Variants in IGBP1C observed in about 807,000 individuals in gnomAD.
IGBP1C encodes the protein immunoglobulin-binding protein 1 family member C.
chr17:58,666,468 A>C, the IGBP1C span: 2 of 137,022 alleles, frequency 1.5e-5, no homozygotes, highest in South Asian at 2.1e-4. Context: ...CAAAAAAAAA[A>C]AAAAAAAAAA....
At chr17:58,670,716 T>C in the IGBP1C span, among the ~76,000 whole-genome samples, 1 of 126,370 alleles carries the variant, frequency 7.9e-6, no homozygotes, top group African/African-American at 3.1e-5. Flanking sequence ...GAGGTTGCAG[T>C]GAGTCAAGAT....
the IGBP1C span, among the ~76,000 whole-genome samples, chr17:58,668,903 C>T: frequency 5.7e-3 from 865 of 152,166 alleles, 5 homozygotes; most frequent in African/African-American, 9.2e-3. Context: ...AGGGTGGAGA[C>T]ATTCTGGCAA....
At chr17:58,673,687 G>A in the IGBP1C span, among the ~76,000 whole-genome samples, 7 of 151,470 alleles carry the variant, frequency 4.6e-5, no homozygotes, top group African/African-American at 1.2e-4. Context: ...TCACCCTCCC[G>A]AGTAGCTGGG....
chr17:58,661,130 C>T, the IGBP1C span: 6 of 856,166 alleles, frequency 7.0e-6, no homozygotes, highest in African/African-American at 1.7e-5. Context: ...TTTAGCCTGT[C>T]TTTGAGATGC....
the IGBP1C span, among the ~76,000 whole-genome samples, chr17:58,672,210 C>T: frequency 2.0e-5 from 3 of 152,158 alleles, no homozygotes; most frequent in Non-Finnish European, 4.4e-5. Flanking sequence ...AATGACATCA[C>T]CTCCTGCTGT....
chr17:58,679,490 A>C, the IGBP1C span: 1 of 152,196 alleles, frequency 6.6e-6, no homozygotes, highest in African/African-American at 2.4e-5. Flanking sequence ...CTACGAAGCA[A>C]AGATACAACG....
the IGBP1C span, chr17:58,661,463 T>G: frequency 1.3e-6 from 1 of 783,130 alleles, no homozygotes; most frequent in South Asian, 1.3e-5. Context: ...GTCGAGGCCC[T>G]TGAACACCTT....
At chr17:58,665,231 A>G in the IGBP1C span, among the ~76,000 whole-genome samples, 4 of 152,042 alleles carry the variant, frequency 2.6e-5, no homozygotes, top group Non-Finnish European at 5.9e-5. Context: ...GTCTCAAGCC[A>G]TCCTCCTGCC....
At chr17:58,691,711 C>T in the IGBP1C span, among the ~76,000 whole-genome samples, 1 of 149,558 alleles carries the variant, frequency 6.7e-6, no homozygotes, top group African/African-American at 2.5e-5. Context: ...GAATAAGTTA[C>T]CCCCTGCTAA....
chr17:58,685,678 G>A, the IGBP1C span, among the ~76,000 whole-genome samples: 1 of 151,766 alleles, frequency 6.6e-6, no homozygotes, highest in Non-Finnish European at 1.5e-5. Context: ...GCCTTATTAA[G>A]AAATTTGGTC....
chr17:58,686,200 G>A, the IGBP1C span, among the ~76,000 whole-genome samples: 5 of 152,116 alleles, frequency 3.3e-5, no homozygotes, highest in East Asian at 1.9e-4. Context: ...AGCTAGGCAC[G>A]GTGGCATGTG....
chr17:58,663,411 A>G, the IGBP1C span, among the ~76,000 whole-genome samples: 1 of 150,826 alleles, frequency 6.6e-6, no homozygotes, highest in Non-Finnish European at 1.5e-5. Flanking sequence ...AACAAGAGCA[A>G]AACTCCGTCT....
At chr17:58,676,553 T>A in the IGBP1C span, among the ~76,000 whole-genome samples, 1 of 151,946 alleles carries the variant, frequency 6.6e-6, no homozygotes, top group Non-Finnish European at 1.5e-5. Context: ...AGAGTGAAAC[T>A]CCATCTCAAA....
the IGBP1C span, chr17:58,660,884 C>G: frequency 1.2e-6 from 1 of 810,260 alleles, no homozygotes; most frequent in Non-Finnish European, 2.2e-6. Context: ...CATTGGAGGC[C>G]TCTTCTGGTG....
chr17:58,665,437 C>T, the IGBP1C span, among the ~76,000 whole-genome samples: 5 of 151,942 alleles, frequency 3.3e-5, no homozygotes, highest in African/African-American at 1.2e-4. Flanking sequence ...CCTGCCTCTA[C>T]TAAAAATACA....
the IGBP1C span, chr17:58,675,458 T>C: frequency 0.25 from 38,173 of 153,788 alleles, 5,520 homozygotes; most frequent in Middle Eastern, 0.42. Context: ...AAGGGCCAAA[T>C]GATATCCAGT....
At chr17:58,673,307 T>G in the IGBP1C span, among the ~76,000 whole-genome samples, 7 of 145,512 alleles carry the variant, frequency 4.8e-5, no homozygotes, top group Non-Finnish European at 9.1e-5. Flanking sequence ...GGCGAAACCA[T>G]AAAAAAAAAA....
the IGBP1C span, chr17:58,660,534 G>T: frequency 1.3e-6 from 1 of 741,030 alleles, no homozygotes; most frequent in African/African-American, 1.7e-5. Context: ...TTTCCTTGGC[G>T]GGGAAGGTGT....
At chr17:58,685,353 T>C in the IGBP1C span, among the ~76,000 whole-genome samples, 141 of 150,334 alleles carry the variant, frequency 9.4e-4, no homozygotes, top group Admixed American at 1.6e-3. Context: ...GGACAATCGC[T>C]TGAACGTGGG....
Sources: gnomAD v4.1 joint callset for allele counts (sites outside exome capture counted in the v4.1 genomes callset) on GRCh38, gnomAD v4.1.1 for gene constraint, MANE v1.5 for transcripts, NCBI Gene and HGNC (gene_info 2026-07-23, HGNC 2026-07-21) for gene names.